FBLN1: variants seen among roughly 807,000 people sequenced by gnomAD.
The protein encoded by FBLN1 is fibulin 1, also known as fibulin-1.
Under a neutral mutation model 89.7 loss-of-function variants are expected in FBLN1, and 34 were observed. That is an observed-to-expected ratio of 0.38 (90% CI 0.29 to 0.50). FBLN1 has a LOEUF of 0.50. FBLN1 is among the 20% of genes least tolerant of loss of function. The pLI is 0.92. For synonymous variants in FBLN1, 393 were observed against 391.3 expected (o/e 1.00, Z -0.05); for missense variants, 777 against 988.1 (o/e 0.79, Z 2.86).
intron 10 of FBLN1, 130 bp from the exon 11 acceptor site, chr22:45,543,271 T>G: frequency 1.7e-6 from 2 of 1,165,542 alleles, no homozygotes; most frequent in Non-Finnish European, 2.5e-6. Flanking sequence ...ATCTCAAAGA[T>G]GAAGGAAAAA....
chr22:45,600,878 A>G lies in FBLN1; in HGVS notation c.*432A>G, dbSNP rs567440085. 17 of 289,296 alleles carry G rather than the reference A, an allele frequency of 5.9e-5. No homozygotes were observed. Among genetic ancestry groups the G allele is most frequent in the Admixed American group, 3.0e-4 (6 of 20,166 alleles). The allele number at this position is 289,296 out of a possible 1,614,324, so 17.9% of individuals were successfully genotyped here. On this transcript the variant is annotated 3_prime_UTR_variant, in exon 17 of 17. Coordinates refer to ENST00000327858, the MANE Select transcript of FBLN1 (RefSeq NM_006486.3). Reference sequence around the variant, plus strand: ...ATCAGATTTTCTATGTTCTAAGGACATGGCTGCTGTAGAATAGCACAGACG... The same window carrying G: ...ATCAGATTTTCTATGTTCTAAGGACGTGGCTGCTGTAGAATAGCACAGACG...
chr22:45,552,878 C>T (rs2088722851), intron 14 of FBLN1, among the ~76,000 whole-genome samples: 1 of 58 alleles, frequency 0.017, no homozygotes, highest in Admixed American at 0.071. Context: ...AAAGCTGTCC[C>T]ACAGCCTTCA....
At chr22:45,587,438 G>A (rs1299234595) in intron 16 of FBLN1, among the ~76,000 whole-genome samples, 3 of 151,222 alleles carry the variant, frequency 2.0e-5, no homozygotes, top group East Asian at 2.0e-4. Context: ...CCCGCTGCCC[G>A]GCCAGAGAGA....
Position 45,600,372 on chromosome 22 carries a change from T to G in FBLN1, c.2038T>G (p.Tyr680Asp). The G allele has an allele frequency of 2.5e-6, 4 of 1,614,200 alleles. No individual in the cohort carries two copies. Among genetic ancestry groups the G allele is most frequent in the Non-Finnish European group, 3.4e-6 (4 of 1,180,030 alleles). ...TGCCGTCCTGAAGCTGGAGATGAACTATGTGGTCGGGGGCGTGGTCTCCCA... is the reference window on the plus strand; with the variant it reads ...TGCCGTCCTGAAGCTGGAGATGAACGATGTGGTCGGGGGCGTGGTCTCCCA... ...FHAVLKLEMN[Y>D]VVGGVVSHRN... Residue 680 changes from tyrosine to aspartate, a missense_variant, in exon 17 of 17, where the codon TAT becomes GAT. Coordinates refer to ENST00000327858, the MANE Select transcript of FBLN1 (RefSeq NM_006486.3).
chr22:45,528,166 A>G (rs1314622875), intron 4 of FBLN1, among the ~76,000 whole-genome samples, 157 bp downstream of exon 4: 1 of 152,166 alleles, frequency 6.6e-6, no homozygotes, highest in East Asian at 1.9e-4. Context: ...TTCAGGCTGG[A>G]GCCCCAGGGA....
Position 45,503,084 on chromosome 22 carries a change from G to C in FBLN1, c.79+20G>C. 8.1e-7 allele frequency: 1 copy of C among 1,229,008 alleles called. No individual in the cohort carries two copies. Among genetic ancestry groups the C allele is most frequent in the Non-Finnish European group, 1.0e-6 (1 of 985,108 alleles). The allele number at this position is 1,229,008 out of a possible 1,614,324, so 76.1% of individuals were successfully genotyped here. ...CCGGAGGTAGGGGCGTCCCGGGTCC[G>C]CCGCCCCAGCTTAGGGTCCCGACCC... On this transcript the variant is annotated intron_variant, in intron 1 of 16. Transcript: ENST00000327858.
chr22:45,509,540 G>T (rs564786386), intron 1 of FBLN1, among the ~76,000 whole-genome samples: 1 of 151,670 alleles, frequency 6.6e-6, no homozygotes, highest in South Asian at 2.1e-4. Context: ...TTGAAGAGGG[G>T]ACACGAGTCT....
chr22:45,554,831 G>A (rs527637913), intron 14 of FBLN1, among the ~76,000 whole-genome samples: 6 of 152,338 alleles, frequency 3.9e-5, no homozygotes, highest in African/African-American at 1.4e-4. Flanking sequence ...CAGTACACAG[G>A]AGACGACCCC....
chr22:45,541,181 G>A lies in FBLN1; in HGVS notation c.923-48G>A, dbSNP rs136756. 0.39 allele frequency: 624,067 copies of A among 1,612,886 alleles called. 125,054 individuals are homozygous for A. Among genetic ancestry groups the A allele is most frequent in the Middle Eastern group, 0.46 (2,783 of 6,022 alleles). Reference sequence around the variant, plus strand: ...TGGAGATCCAGTTTTTGGGTTCTGGGACACCCTCCAGGTTTAACCACATGG... The same window carrying A: ...TGGAGATCCAGTTTTTGGGTTCTGGAACACCCTCCAGGTTTAACCACATGG... On this transcript the variant is annotated intron_variant, in intron 8 of 16. Transcript: ENST00000327858.
intron 14 of FBLN1, among the ~76,000 whole-genome samples, chr22:45,560,584 G>A (rs192784403): frequency 6.6e-6 from 1 of 152,254 alleles, no homozygotes; most frequent in East Asian, 1.9e-4. Context: ...AACTCCCCGA[G>A]TTGCAACATT....
chr22:45,599,529 A>G (rs2089213347), intron 16 of FBLN1, among the ~76,000 whole-genome samples: 1 of 152,028 alleles, frequency 6.6e-6, no homozygotes, highest in African/African-American at 2.4e-5. Context: ...ATTTCTTCTC[A>G]GGGGTCAGAA....
chr22:45,504,143 G>A (rs1366921352), intron 1 of FBLN1, among the ~76,000 whole-genome samples: 1 of 149,878 alleles, frequency 6.7e-6, no homozygotes, highest in Non-Finnish European at 1.5e-5. Flanking sequence ...TCTGGTGACC[G>A]CCTTTGTTAG....
chr22:45,543,107 A>C (rs1602192873), intron 10 of FBLN1, among the ~76,000 whole-genome samples: 1 of 152,216 alleles, frequency 6.6e-6, no homozygotes, highest in South Asian at 2.1e-4. Context: ...TCTCTACAAA[A>C]AATACAAAAA....
chr22:45,506,628 T>C (rs576054038), intron 1 of FBLN1, among the ~76,000 whole-genome samples: 1 of 152,254 alleles, frequency 6.6e-6, no homozygotes, highest in South Asian at 2.1e-4. Context: ...GGAAAGGGTG[T>C]TCCTGGCAGG....
At position 45,577,188 on chromosome 22, in the gene FBLN1, C is replaced by A; in HGVS notation, c.1972+80C>A. 1 of 1,500,570 alleles carries A rather than the reference C, an allele frequency of 6.7e-7. No homozygotes were observed. Among genetic ancestry groups the A allele is most frequent in the African/African-American group, 1.4e-5 (1 of 73,044 alleles). The allele number at this position is 1,500,570 out of a possible 1,614,324, so 93.0% of individuals were successfully genotyped here. A position where few individuals can be genotyped will look rare whatever the true frequency, so the allele number is the denominator to read the frequency against. ...AACCCTCTCTGGCCCAGCCCAACTC[C>A]CATCTGAGTCCCCTCCCCAAATTCA... On this transcript the variant is annotated intron_variant, in intron 16 of 16. Coordinates refer to ENST00000327858, the MANE Select transcript of FBLN1 (RefSeq NM_006486.3). This position sits in a 1 kb window ranked among gnomAD's most constrained non-coding sequence, Gnocchi z 6.6.
At chr22:45,554,193 T>A (rs913198915) in intron 14 of FBLN1, among the ~76,000 whole-genome samples, 1 of 152,234 alleles carries the variant, frequency 6.6e-6, no homozygotes, top group Non-Finnish European at 1.5e-5. Flanking sequence ...AAGGAAAGTC[T>A]GCTGCTTGCA....
intron 16 of FBLN1, among the ~76,000 whole-genome samples, chr22:45,598,141 T>A (rs129639): frequency 3.9e-5 from 6 of 152,326 alleles, no homozygotes; most frequent in African/African-American, 1.2e-4. Context: ...ATTTCTCAAC[T>A]TGTGGTTGTG....
chr22:45,553,672 G>A (rs1185018590), intron 14 of FBLN1, among the ~76,000 whole-genome samples: 1 of 152,226 alleles, frequency 6.6e-6, no homozygotes, highest in Non-Finnish European at 1.5e-5. Flanking sequence ...TCTTTGTCCA[G>A]AAGGAGCCAG....
chr22:45,524,344 C>T (rs1437370590), intron 2 of FBLN1, among the ~76,000 whole-genome samples: 1 of 152,238 alleles, frequency 6.6e-6, no homozygotes, highest in Non-Finnish European at 1.5e-5. Context: ...GTGACACACT[C>T]CTCTCCTGCT....
Sources: allele counts gnomAD v4.1 joint callset (sites outside exome capture counted in the v4.1 genomes callset), GRCh38; gene constraint gnomAD v4.1.1; non-coding constraint Gnocchi (gnomAD v3.1); transcripts MANE v1.5; gene names NCBI Gene and HGNC (gene_info 2026-07-23, HGNC 2026-07-21).